GRIN2A: variants seen among roughly 807,000 people sequenced by gnomAD.
GRIN2A encodes glutamate ionotropic receptor NMDA type subunit 2A.
A neutral mutation model predicts 113.4 loss-of-function variants in GRIN2A; 22 were observed. The ratio of observed to expected loss-of-function variants is 0.19; its 90% CI spans 0.14 to 0.28. The LOEUF (loss-of-function observed/expected upper bound fraction) is 0.28, where lower values mean the gene tolerates loss of function less well. Among genes scored for constraint, GRIN2A ranks in the 10% least tolerant of loss-of-function variants. GRIN2A has a pLI of 1.00. For missense variants in GRIN2A, 1,502 were observed against 1,887.0 expected, an observed-to-expected ratio of 0.80 and a Z score of 3.78; for synonymous variants, 827 against 738.4, an observed-to-expected ratio of 1.12 and a Z score of -1.94.
chr16:9,939,015 T>C (rs1596345420), intron 2 of GRIN2A, among the ~76,000 whole-genome samples: 1 of 152,186 alleles, frequency 6.6e-6, no homozygotes, highest in South Asian at 2.1e-4. Context: ...CCCTTTGTTA[T>C]ACAAGCCAGT....
intron 2 of GRIN2A, among the ~76,000 whole-genome samples, chr16:10,032,048 G>A (rs1181385215): frequency 2.0e-5 from 3 of 152,204 alleles, no homozygotes; most frequent in Admixed American, 6.5e-5. Context: ...ACTTATTACA[G>A]CGCATCGTAT....
chr16:9,918,046 G>A (rs764897991), intron 3 of GRIN2A, among the ~76,000 whole-genome samples: 27 of 152,138 alleles, frequency 1.8e-4, no homozygotes, highest in Non-Finnish European at 3.8e-4. Context: ...ATCACTTACT[G>A]TGGGCCAGGT....
intron 2 of GRIN2A, among the ~76,000 whole-genome samples, chr16:10,039,384 C>A (rs1206759073): frequency 6.6e-6 from 1 of 152,208 alleles, no homozygotes; most frequent in African/African-American, 2.4e-5. Flanking sequence ...TCCCCAGGGT[C>A]TCAGGTAAAT....
At chr16:9,936,225 T>A (rs9924323) in intron 3 of GRIN2A, among the ~76,000 whole-genome samples, 1 of 152,184 alleles carries the variant, frequency 6.6e-6, no homozygotes, top group African/African-American at 2.4e-5. Flanking sequence ...GCTCACCCCA[T>A]ATTTTCTATT....
At chr16:10,076,491 C>T (rs2142044105) in intron 2 of GRIN2A, among the ~76,000 whole-genome samples, 1 of 152,274 alleles carries the variant, frequency 6.6e-6, no homozygotes, top group Non-Finnish European at 1.5e-5. Context: ...AGGGTGGAGA[C>T]ACATGTCCGT....
chr16:9,900,810 A>C (rs2043906839), intron 3 of GRIN2A, among the ~76,000 whole-genome samples: 1 of 152,176 alleles, frequency 6.6e-6, no homozygotes, highest in African/African-American at 2.4e-5. Flanking sequence ...TCACCTAACC[A>C]CTTTGAACCA....
At chr16:9,948,834 C>T (rs1201343301) in intron 2 of GRIN2A, among the ~76,000 whole-genome samples, 5 of 152,194 alleles carry the variant, frequency 3.3e-5, no homozygotes, top group African/African-American at 1.2e-4. Context: ...ATCTGCCAAG[C>T]AAAGAAAATG....
At chr16:10,057,807 G>A (rs993435419) in intron 2 of GRIN2A, among the ~76,000 whole-genome samples, 1 of 152,170 alleles carries the variant, frequency 6.6e-6, no homozygotes, top group East Asian at 1.9e-4. Context: ...AGTAATGGGA[G>A]GGATACCTAT....
chr16:9,876,784 T>C (rs1474903084), intron 4 of GRIN2A, among the ~76,000 whole-genome samples: 3 of 152,178 alleles, frequency 2.0e-5, no homozygotes, highest in Admixed American at 6.5e-5. Flanking sequence ...GTTGGTCTGA[T>C]GGGCTGATGA....
chr16:10,146,145 T>C (rs1025543222), intron 2 of GRIN2A, among the ~76,000 whole-genome samples: 1 of 151,818 alleles, frequency 6.6e-6, no homozygotes, highest in Admixed American at 6.6e-5. Context: ...TGAGATGGAG[T>C]CTCGCTCTGT....
intron 2 of GRIN2A, among the ~76,000 whole-genome samples, chr16:10,109,476 T>C (rs1290704887): frequency 6.6e-6 from 1 of 152,158 alleles, no homozygotes; most frequent in Non-Finnish European, 1.5e-5. Context: ...AAGGAAACTC[T>C]AGACCAACCT....
At chr16:9,890,822 T>C (rs1013626150) in intron 4 of GRIN2A, among the ~76,000 whole-genome samples, 164 bp downstream of exon 4, 38 of 152,176 alleles carry the variant, frequency 2.5e-4, no homozygotes, top group African/African-American at 8.4e-4. Flanking sequence ...AATTGCACCT[T>C]ACAGATTTAG....
rs148592743 is a variant in GRIN2A, at chr16:9,888,586, T to A, written c.1122+2400A>T. Among the ~76,000 whole-genome samples, 371 of 152,118 alleles carry A rather than the reference T, an allele frequency of 2.4e-3. 1 individual carries two copies. Among genetic ancestry groups the A allele is most frequent in the Admixed American group, 5.1e-3 (78 of 15,280 alleles). On this transcript the variant is annotated intron_variant, in intron 4 of 12. Transcript: ENST00000330684. ...CAAAAATCATTTGAATGTGCCTATG[T>A]GGATCTATTTTCATTATTTCATCAT...
chr16:10,123,108 G>A (rs913667651), intron 2 of GRIN2A, among the ~76,000 whole-genome samples: 3 of 152,166 alleles, frequency 2.0e-5, no homozygotes, highest in African/African-American at 7.2e-5. Context: ...TCCCAGCACA[G>A]GGAGATGGGG....
chr16:9,982,004 T>G (rs1486232973), intron 2 of GRIN2A, among the ~76,000 whole-genome samples: 4 of 152,108 alleles, frequency 2.6e-5, no homozygotes, highest in Admixed American at 2.6e-4. Flanking sequence ...TCCAGGCAGG[T>G]CTGGAACTCC....
At chr16:9,946,883 A>T (rs755175389) in intron 2 of GRIN2A, among the ~76,000 whole-genome samples, 5 of 152,202 alleles carry the variant, frequency 3.3e-5, no homozygotes, top group Non-Finnish European at 7.3e-5. Flanking sequence ...AAGTTCTGAT[A>T]TCCATGTTGA....
chr16:9,762,911 T>C lies in GRIN2A; in HGVS notation c.*238A>G, dbSNP rs1900650066. 1.7e-6 allele frequency: 1 copy of C among 579,278 alleles called. No individual in the cohort carries two copies. The highest frequency in any genetic ancestry group is 2.8e-5 in the East Asian group (1 of 35,258). The allele number at this position is 579,278 out of a possible 1,614,324, so 35.9% of individuals were successfully genotyped here. ...ACTTGCCCTTATGTAGTTAGTTATT[T>C]TTGGTTAAGGACTCACCTATCTGGT... On this transcript the variant is annotated 3_prime_UTR_variant, in exon 13 of 13. Transcript: ENST00000330684.
intron 2 of GRIN2A, among the ~76,000 whole-genome samples, chr16:10,153,189 C>T: frequency 6.6e-6 from 1 of 152,126 alleles, no homozygotes; most frequent in East Asian, 1.9e-4. Context: ...ACAGGGATGG[C>T]TATTCATGTG....
At chr16:10,111,812 TCA>T in intron 2 of GRIN2A, 1 of 1,316,608 alleles carries the variant, frequency 7.6e-7, no homozygotes, top group Non-Finnish European at 1.1e-6. Flanking sequence ...TGCATCCTCA[TCA>T]CTGAGATGGG....
Sources: allele counts gnomAD v4.1 joint callset (sites outside exome capture counted in the v4.1 genomes callset), GRCh38; gene constraint gnomAD v4.1.1; transcripts MANE v1.5; gene names NCBI Gene and HGNC (gene_info 2026-07-23, HGNC 2026-07-21).